The following ESRRG variants were observed in gnomAD, a reference collection of about 807,000 sequenced individuals.
ESRRG encodes estrogen-related receptor gamma.
ESRRG carries 13 observed loss-of-function variants against 44.0 expected under a neutral mutation model. The ratio of observed to expected loss-of-function variants is 0.30; its 90% CI spans 0.19 to 0.47. The LOEUF is 0.47. ESRRG is among the 20% of genes least tolerant of loss of function. ESRRG has a pLI of 1.00. For synonymous variants in ESRRG, 215 were observed against 214.6 expected (o/e 1.00, Z -0.02); for missense variants, 395 against 580.6 (o/e 0.68, Z 3.29).
chr1:216,991,571 C>T (rs928674969), intron 1 of ESRRG, among the ~76,000 whole-genome samples: 5 of 141,682 alleles, frequency 3.5e-5, no homozygotes, highest in African/African-American at 7.9e-5. Context: ...TAGAGAACTG[C>T]AGAATAGGAT....
At chr1:216,711,441 C>T (rs947486616) in intron 1 of ESRRG, among the ~76,000 whole-genome samples, 2 of 152,104 alleles carry the variant, frequency 1.3e-5, no homozygotes, top group Non-Finnish European at 2.9e-5. Context: ...GTTCTCTTAA[C>T]GAATGAATGT....
At chr1:216,714,327 T>C (rs896463356) in intron 1 of ESRRG, among the ~76,000 whole-genome samples, 1 of 152,088 alleles carries the variant, frequency 6.6e-6, no homozygotes, top group African/African-American at 2.4e-5. Context: ...GACCCTTTAA[T>C]AAAACAGATG....
intron 2 of ESRRG, among the ~76,000 whole-genome samples, chr1:216,914,583 A>G (rs1444976413): frequency 2.0e-5 from 3 of 152,216 alleles, no homozygotes; most frequent in South Asian, 2.1e-4. Context: ...GTCTGCTGAC[A>G]TTACCAAAAG....
At chr1:217,032,725 C>G (rs2082256072) in intron 1 of ESRRG, among the ~76,000 whole-genome samples, 1 of 152,108 alleles carries the variant, frequency 6.6e-6, no homozygotes, top group Admixed American at 6.5e-5. Context: ...ATCAGTTTCA[C>G]AAACAATTGA....
At chr1:216,623,143 C>T (rs889178530) in intron 3 of ESRRG, among the ~76,000 whole-genome samples, 2 of 136,748 alleles carry the variant, frequency 1.5e-5, no homozygotes, top group Admixed American at 7.9e-5. Context: ...AGTGCAGTGC[C>T]GCGATCTCGG....
chr1:216,921,263 C>T (rs942438048), intron 2 of ESRRG, among the ~76,000 whole-genome samples: 3 of 152,070 alleles, frequency 2.0e-5, no homozygotes, highest in African/African-American at 7.2e-5. Context: ...GTGTTCTCTG[C>T]CTCTTAGTCG....
chr1:217,101,627 A>T (rs2092513433), intron 1 of ESRRG, among the ~76,000 whole-genome samples: 1 of 152,064 alleles, frequency 6.6e-6, no homozygotes, highest in African/African-American at 2.4e-5. Flanking sequence ...TCCAAACCAA[A>T]TCTATCTCAA....
upstream of ESRRG, among the ~76,000 whole-genome samples, chr1:216,724,288 G>A (rs2087020026): frequency 6.6e-6 from 1 of 151,890 alleles, no homozygotes; most frequent in Non-Finnish European, 1.5e-5. Context: ...TTTTAGGGGT[G>A]GGGAGTCTGA....
At chr1:216,735,987 A>AAAT (rs1453476198) in intron 2 of ESRRG, among the ~76,000 whole-genome samples, 19 of 137,102 alleles carry the variant, frequency 1.4e-4, no homozygotes, top group Non-Finnish European at 1.6e-4. Context: ...CTCAAAAAAA[A>AAAT]ATATATATAT....
intron 2 of ESRRG, among the ~76,000 whole-genome samples, chr1:216,779,467 T>G (rs1559607039): frequency 1.6e-5 from 1 of 64,470 alleles, no homozygotes; most frequent in Non-Finnish European, 2.5e-5. Context: ...TAAATATAAA[T>G]ATATATTTAT....
At chr1:216,956,192 T>G (rs1419133463) in intron 1 of ESRRG, among the ~76,000 whole-genome samples, 2 of 151,882 alleles carry the variant, frequency 1.3e-5, no homozygotes, top group Non-Finnish European at 2.9e-5. Context: ...GTTAAGTCTT[T>G]AATCCATTTT....
intron 2 of ESRRG, among the ~76,000 whole-genome samples, chr1:216,901,760 C>T (rs372118899): frequency 8.6e-5 from 13 of 150,636 alleles, no homozygotes; most frequent in Admixed American, 2.0e-4. Context: ...CCTACTGATA[C>T]TTCTTTTATT....
chr1:216,856,098 G>A (rs1397601828), intron 2 of ESRRG, among the ~76,000 whole-genome samples: 2 of 151,702 alleles, frequency 1.3e-5, no homozygotes, highest in South Asian at 2.1e-4. Flanking sequence ...CAAAGTATTC[G>A]ATTATCTCCT....
chr1:216,817,191 T>C (rs899250994), intron 2 of ESRRG, among the ~76,000 whole-genome samples: 33 of 152,164 alleles, frequency 2.2e-4, no homozygotes, highest in African/African-American at 7.9e-4. Flanking sequence ...CCCTAGGAAA[T>C]GAACTCTTCT....
At chr1:216,564,033 A>C (rs11572782) in intron 5 of ESRRG, among the ~76,000 whole-genome samples, 186 bp downstream of exon 5, 2,232 of 152,278 alleles carry the variant, frequency 0.015, 62 homozygotes, top group African/African-American at 0.05. Flanking sequence ...AGGTGGTACC[A>C]ATATAAATAA....
At chr1:216,881,807 A>G (rs2096452874) in intron 2 of ESRRG, among the ~76,000 whole-genome samples, 1 of 152,220 alleles carries the variant, frequency 6.6e-6, no homozygotes, top group South Asian at 2.1e-4. Flanking sequence ...AGGGGAATGA[A>G]GATTTATGGC....
At chr1:217,111,193 GC>G (rs763963664) in intron 1 of ESRRG, among the ~76,000 whole-genome samples, 3 of 152,104 alleles carry the variant, frequency 2.0e-5, no homozygotes, top group Non-Finnish European at 2.9e-5. Context: ...TTCCCCCAGG[GC>G]CCCCCTTATC....
intron 2 of ESRRG, among the ~76,000 whole-genome samples, chr1:216,919,903 T>G (rs926232737): frequency 1.3e-5 from 2 of 152,196 alleles, no homozygotes. Flanking sequence ...GCATTAAATT[T>G]TATTCTAATA....
chr1:216,779,330 T>C (rs1461738376), intron 2 of ESRRG, among the ~76,000 whole-genome samples: 1 of 92,078 alleles, frequency 1.1e-5, no homozygotes, highest in African/African-American at 4.6e-5. Flanking sequence ...TATAAATATA[T>C]ATTTATATTT....
Sources: gnomAD v4.1 joint callset for allele counts (sites outside exome capture counted in the v4.1 genomes callset) on GRCh38, gnomAD v4.1.1 for gene constraint, MANE v1.5 for transcripts, NCBI Gene and HGNC (gene_info 2026-07-23, HGNC 2026-07-21) for gene names.